KCTD16: variants seen among roughly 807,000 people sequenced by gnomAD.
The protein encoded by KCTD16 is potassium channel tetramerization domain containing 16.
In KCTD16, 13 loss-of-function variants were observed where a neutral mutation model predicts 33.2. That is an observed-to-expected ratio of 0.39 (90% confidence interval 0.25 to 0.62). The LOEUF (loss-of-function observed/expected upper bound fraction) is 0.62. Among genes scored for constraint, KCTD16 ranks in the 20% least tolerant of loss-of-function variants. The probability of loss-of-function intolerance (pLI) is 0.50; values close to 1 mark genes in which losing one functional copy is unlikely to be tolerated. For synonymous variants in KCTD16, 197 were observed against 195.3 expected (o/e 1.01, Z -0.07); for missense variants, 441 against 525.1 (o/e 0.84, Z 1.57).
At chr5:144,190,770 C>T (rs752720574) in intron 2 of KCTD16, among the ~76,000 whole-genome samples, 15 of 152,154 alleles carry the variant, frequency 9.9e-5, no homozygotes, top group Non-Finnish European at 1.9e-4. Context: ...ATTCTATATG[C>T]TTATTCATTT....
intron 3 of KCTD16, among the ~76,000 whole-genome samples, chr5:144,405,513 A>G (rs1415580689): frequency 6.6e-6 from 1 of 152,188 alleles, no homozygotes; most frequent in Non-Finnish European, 1.5e-5. Flanking sequence ...CTATTTCTGT[A>G]AAATAAACCT....
intron 3 of KCTD16, among the ~76,000 whole-genome samples, chr5:144,365,737 C>T (rs1751818354): frequency 6.6e-6 from 1 of 152,016 alleles, no homozygotes; most frequent in South Asian, 2.1e-4. Flanking sequence ...ATGGACAACT[C>T]AGTAAAGGAT....
At chr5:144,217,892 C>T (rs2126800294) in intron 3 of KCTD16, among the ~76,000 whole-genome samples, 1 of 152,146 alleles carries the variant, frequency 6.6e-6, no homozygotes, top group African/African-American at 2.4e-5. Context: ...TTCTTACACA[C>T]CTTGACATCC....
At chr5:144,343,481 T>G (rs987374681) in intron 3 of KCTD16, among the ~76,000 whole-genome samples, 2 of 152,188 alleles carry the variant, frequency 1.3e-5, no homozygotes, top group Non-Finnish European at 2.9e-5. Context: ...TTCTTTTTTA[T>G]TAGTTTTGCT....
chr5:144,268,086 G>A (rs534023252), intron 3 of KCTD16, among the ~76,000 whole-genome samples: 17 of 152,180 alleles, frequency 1.1e-4, no homozygotes, highest in Admixed American at 5.9e-4. Context: ...GTAAATTCTG[G>A]TTAATTTTAG....
At chr5:144,387,969 C>T (rs979708820) in intron 3 of KCTD16, among the ~76,000 whole-genome samples, 1 of 147,346 alleles carries the variant, frequency 6.8e-6, no homozygotes, top group Non-Finnish European at 1.5e-5. Context: ...CTACTGATTT[C>T]ATTAATTTTT....
At chr5:144,272,768 G>A (rs1180773128) in intron 3 of KCTD16, among the ~76,000 whole-genome samples, 1 of 151,994 alleles carries the variant, frequency 6.6e-6, no homozygotes, top group African/African-American at 2.4e-5. Flanking sequence ...GAGAAAATTG[G>A]ATATCCATAT....
intron 2 of KCTD16, among the ~76,000 whole-genome samples, chr5:144,189,495 CAAAAAAA>C (rs5871868): frequency 8.3e-6 from 1 of 120,574 alleles, no homozygotes; most frequent in African/African-American, 2.9e-5. Flanking sequence ...GACTCCATCT[CAAAAAAA>C]AAAAAAAAGA....
chr5:144,398,595 T>G (rs908539341), intron 3 of KCTD16, among the ~76,000 whole-genome samples: 20 of 152,110 alleles, frequency 1.3e-4, no homozygotes, highest in Non-Finnish European at 2.9e-5. Context: ...TTTTTAAAAT[T>G]TATTCACAAG....
At chr5:144,409,760 T>C (rs748172508) in intron 3 of KCTD16, among the ~76,000 whole-genome samples, 1 of 151,970 alleles carries the variant, frequency 6.6e-6, no homozygotes, top group Non-Finnish European at 1.5e-5. Context: ...GAGTTTGCAG[T>C]GAGCCGAGAT....
intron 3 of KCTD16, among the ~76,000 whole-genome samples, chr5:144,228,830 G>A (rs911762045): frequency 6.6e-5 from 10 of 152,078 alleles, no homozygotes; most frequent in African/African-American, 1.9e-4. Context: ...ATATGTAGCC[G>A]ATACAGTACA....
At chr5:144,272,133 G>A (rs11738134) in intron 3 of KCTD16, among the ~76,000 whole-genome samples, 1 of 151,944 alleles carries the variant, frequency 6.6e-6, no homozygotes, top group Non-Finnish European at 1.5e-5. Flanking sequence ...TTGTAATGAC[G>A]ATTTTTGTAG....
intron 3 of KCTD16, among the ~76,000 whole-genome samples, chr5:144,387,217 ATCT>A (rs376221762): frequency 2.8e-5 from 4 of 142,686 alleles, no homozygotes; most frequent in African/African-American, 1.1e-4. Context: ...GGCTCAAGTG[ATCT>A]TCTGCTTCAG....
At chr5:144,339,280 G>C (rs547065019) in intron 3 of KCTD16, among the ~76,000 whole-genome samples, 1 of 152,272 alleles carries the variant, frequency 6.6e-6, no homozygotes, top group South Asian at 2.1e-4. Flanking sequence ...AGAAAGTGCC[G>C]AAGCTACATT....
At chr5:144,217,991 T>G (rs1253399419) in intron 3 of KCTD16, among the ~76,000 whole-genome samples, 1 of 152,248 alleles carries the variant, frequency 6.6e-6, no homozygotes, top group Non-Finnish European at 1.5e-5. Context: ...TCTGGGCACA[T>G]GAGTAAATAA....
intron 3 of KCTD16, among the ~76,000 whole-genome samples, chr5:144,349,836 A>T (rs1332537089): frequency 1.3e-5 from 2 of 152,158 alleles, no homozygotes; most frequent in Non-Finnish European, 2.9e-5. Context: ...TGACCATGGA[A>T]TCCTAAAACC....
At chr5:144,310,860 T>A (rs1478982696) in intron 3 of KCTD16, among the ~76,000 whole-genome samples, 1 of 152,186 alleles carries the variant, frequency 6.6e-6, no homozygotes, top group African/African-American at 2.4e-5. Context: ...TTCCCACCTT[T>A]GTTTCTGTTG....
intron 3 of KCTD16, among the ~76,000 whole-genome samples, chr5:144,262,109 T>A (rs577971962): frequency 1.2e-4 from 18 of 152,198 alleles, no homozygotes; most frequent in African/African-American, 4.3e-4. Flanking sequence ...AGATGGCAAA[T>A]GTGGCAGGCT....
At chr5:144,435,930 CTT>C (rs1287282050) in intron 3 of KCTD16, among the ~76,000 whole-genome samples, 1 of 152,082 alleles carries the variant, frequency 6.6e-6, no homozygotes, top group Non-Finnish European at 1.5e-5. Context: ...ACATTCAGTA[CTT>C]CAGCATTTCT....
Sources: allele counts gnomAD v4.1 joint callset (sites outside exome capture counted in the v4.1 genomes callset), GRCh38; gene constraint gnomAD v4.1.1; transcripts MANE v1.5; gene names NCBI Gene and HGNC (gene_info 2026-07-23, HGNC 2026-07-21).